ACSF2: variants seen among roughly 807,000 people sequenced by gnomAD.
The protein encoded by ACSF2 is medium-chain acyl-CoA ligase ACSF2, mitochondrial.
Under a neutral mutation model 79.3 loss-of-function variants are expected in ACSF2, and 52 were observed. The observed-to-expected ratio is 0.66, with a 90% CI of 0.53 to 0.83. The LOEUF is 0.83. Ranked by LOEUF, ACSF2 falls within the 40% of genes least tolerant of loss-of-function variation. The probability of loss-of-function intolerance (pLI) is 0.00; values close to 1 mark genes in which losing one functional copy is unlikely to be tolerated. For synonymous variants in ACSF2, 283 were observed against 312.6 expected (o/e 0.91, Z 1.00); for missense variants, 661 against 803.3 (o/e 0.82, Z 2.14).
intron 1 of ACSF2, among the ~76,000 whole-genome samples, chr17:50,443,331 G>T (rs1473706467): frequency 6.6e-6 from 1 of 152,164 alleles, no homozygotes; most frequent in Non-Finnish European, 1.5e-5. Context: ...GTTTCAAAAG[G>T]TATGCATATT....
intron 3 of ACSF2, 37 bp from the exon 4 acceptor site, chr17:50,461,596 G>T (rs1386647554): frequency 3.7e-6 from 6 of 1,613,834 alleles, no homozygotes; most frequent in Non-Finnish European, 5.1e-6. Flanking sequence ...GACAGGGTCT[G>T]CCCAGAATAC....
At chr17:50,444,971 G>A (rs908055904) in intron 1 of ACSF2, among the ~76,000 whole-genome samples, 4 of 152,144 alleles carry the variant, frequency 2.6e-5, no homozygotes, top group Admixed American at 6.6e-5. Context: ...CTGGAGTGCT[G>A]TGGCATAATC....
At chr17:50,460,498 G>C in intron 1 of ACSF2, 179 bp from the exon 2 acceptor site, 1 of 623,752 alleles carries the variant, frequency 1.6e-6, no homozygotes, top group Non-Finnish European at 2.8e-6. Context: ...CTTGGGATTA[G>C]GCTTGAGGTT....
intron 10 of ACSF2, chr17:50,469,026 G>A (rs1319959192): frequency 7.5e-7 from 1 of 1,338,042 alleles, no homozygotes; most frequent in Non-Finnish European, 9.5e-7. Flanking sequence ...GGAAGGGGGC[G>A]GGGCCGTTCC....
At chr17:50,454,557 A>G (rs1353571586) in intron 1 of ACSF2, among the ~76,000 whole-genome samples, 2 of 152,054 alleles carry the variant, frequency 1.3e-5, no homozygotes, top group African/African-American at 4.8e-5. Context: ...CACAAGCAGC[A>G]TTCCAGCCTG....
chr17:50,465,840 T>G (rs1194666480), intron 10 of ACSF2: 1 of 1,613,820 alleles, frequency 6.2e-7, no homozygotes, highest in Non-Finnish European at 8.5e-7. Context: ...TGTTTCAGCG[T>G]GGTTACACCC....
chr17:50,453,846 A>G (rs1187251577), intron 1 of ACSF2, among the ~76,000 whole-genome samples: 4 of 151,596 alleles, frequency 2.6e-5, no homozygotes, highest in Non-Finnish European at 5.9e-5. Context: ...GCTGGAGTGC[A>G]GTGGGTGTAA....
At position 50,435,122 on chromosome 17, in the gene ACSF2, G is replaced by A. The variant is rs183203792; in HGVS notation, c.128+8733G>A. 5.4e-3 allele frequency among the ~76,000 whole-genome samples: 824 copies of A among 152,184 alleles called. 9 individuals are homozygous for A. The highest frequency in any genetic ancestry group is 0.018 in the African/African-American group (745 of 41,542). On this transcript the variant is annotated intron_variant, in intron 1 of 15. Transcript: ENST00000300441. ...CGACCTCAGGTGATTTGCCCGTCTC[G>A]GCCTCCCAAAGTGCTGGGATTACAG...
intron 10 of ACSF2, chr17:50,467,816 A>G: frequency 3.9e-6 from 2 of 510,550 alleles, no homozygotes. Flanking sequence ...CTCCTTTTAT[A>G]TGTAAGAATC....
chr17:50,427,966 T>A lies in ACSF2; in HGVS notation c.128+1577T>A, dbSNP rs181171892. 2.0e-5 allele frequency among the ~76,000 whole-genome samples: 3 copies of A among 152,284 alleles called. No homozygotes were observed. The East Asian group carries it at 5.8e-4, about 29-fold the overall frequency. On this transcript the variant is annotated intron_variant, in intron 1 of 15. Transcript: ENST00000300441. ...TCTGCCCCTTCCACTCCCTTGTGCCTGCACCCTTATTGTCTGACTGTGATG... is the reference window on the plus strand; with the variant it reads ...TCTGCCCCTTCCACTCCCTTGTGCCAGCACCCTTATTGTCTGACTGTGATG...
chr17:50,473,682 A>G lies in ACSF2; in HGVS notation c.1493A>G (p.Asn498Ser). The change falls in exon 13 of 16, where the codon AAT becomes AGT. Residue 498 changes from asparagine to serine, a missense_variant. By Grantham distance (46) the Asn-to-Ser change is conservative (BLOSUM62 1). Coordinates refer to ENST00000300441, the MANE Select transcript of ACSF2 (RefSeq NM_025149.6). ...CCTTACAGAGATGTCGCCACAATGA[A>G]TGAGCAGGGCTTCTGCAAGATCGTG... ...WYWTGDVATM[N>S]EQGFCKIVGR... 10 of 1,614,184 alleles carry G rather than the reference A, an allele frequency of 6.2e-6. No homozygotes were observed. Among genetic ancestry groups the G allele is most frequent in the Non-Finnish European group, 7.6e-6 (9 of 1,180,030 alleles).
At chr17:50,442,220 G>A (rs1310485342) in intron 1 of ACSF2, among the ~76,000 whole-genome samples, 3 of 151,930 alleles carry the variant, frequency 2.0e-5, no homozygotes, top group South Asian at 2.1e-4. Flanking sequence ...CAGGAGAATC[G>A]CTTGAACCCT....
At chr17:50,442,160 C>G (rs1025720734) in intron 1 of ACSF2, among the ~76,000 whole-genome samples, 2 of 151,914 alleles carry the variant, frequency 1.3e-5, no homozygotes, top group African/African-American at 4.8e-5. Context: ...CAAAAATTAG[C>G]CAGGCGTGGT....
chr17:50,443,692 C>T (rs1335172452), intron 1 of ACSF2, among the ~76,000 whole-genome samples: 1 of 152,190 alleles, frequency 6.6e-6, no homozygotes, highest in Non-Finnish European at 1.5e-5. Flanking sequence ...TCTTAGGCTT[C>T]CTGCCTCTAT....
intron 1 of ACSF2, among the ~76,000 whole-genome samples, chr17:50,444,019 A>G (rs2031125286): frequency 6.6e-6 from 1 of 152,186 alleles, no homozygotes. Context: ...ATATTCTTTG[A>G]CAAAAGTGCC....
At chr17:50,433,775 T>A (rs2143499706) in intron 1 of ACSF2, among the ~76,000 whole-genome samples, 1 of 152,068 alleles carries the variant, frequency 6.6e-6, no homozygotes, top group East Asian at 2.0e-4. Context: ...TGTACCACCA[T>A]GCCTTGCTAA....
intron 1 of ACSF2, among the ~76,000 whole-genome samples, chr17:50,437,703 G>A (rs183723196): frequency 1.3e-5 from 2 of 151,846 alleles, no homozygotes; most frequent in African/African-American, 2.4e-5. Context: ...CATAACAGGC[G>A]CTGTGGGTCT....
chr17:50,428,115 G>A (rs1276138888), intron 1 of ACSF2, among the ~76,000 whole-genome samples: 1 of 152,170 alleles, frequency 6.6e-6, no homozygotes, highest in Non-Finnish European at 1.5e-5. Flanking sequence ...CTTGAGCCCA[G>A]GAGTTCAAGG....
chr17:50,468,593 A>C (rs1207234683), intron 10 of ACSF2: 1 of 1,614,196 alleles, frequency 6.2e-7, no homozygotes, highest in Non-Finnish European at 8.5e-7. Context: ...GAGGTTCGGC[A>C]TGGCCCGGAA....
Sources: gnomAD v4.1 joint callset for allele counts (sites outside exome capture counted in the v4.1 genomes callset) on GRCh38, gnomAD v4.1.1 for gene constraint, MANE v1.5 for transcripts, NCBI Gene and HGNC (gene_info 2026-07-23, HGNC 2026-07-21) for gene names.